The following PSG11 variants were observed in gnomAD, a reference collection of about 807,000 sequenced individuals.
PSG11 encodes pregnancy-specific beta-1-glycoprotein 11.
Under a neutral mutation model 36.0 loss-of-function variants are expected in PSG11, and 42 were observed. The ratio of observed to expected loss-of-function variants is 1.17; its 90% CI spans 0.91 to 1.51. The LOEUF is 1.51. Among genes scored for constraint, PSG11 ranks in the 40% most tolerant of loss-of-function variants. The pLI is 0.00. For missense variants in PSG11, 558 were observed against 403.5 expected (o/e 1.38, Z -3.28); for synonymous variants, 206 against 153.5 (o/e 1.34, Z -2.53).
intron 3 of PSG11, chr19:43,017,384 C>A (rs1425786478): frequency 2.0e-5 from 3 of 151,276 alleles, no homozygotes; most frequent in Non-Finnish European, 4.4e-5. Flanking sequence ...AGTGATAAGC[C>A]AAATATATTC....
intron 4 of PSG11, among the ~76,000 whole-genome samples, chr19:43,011,915 A>AAG (rs1249745169): frequency 6.6e-6 from 1 of 150,516 alleles, no homozygotes; most frequent in East Asian, 1.9e-4. Context: ...AAAAAAAAAA[A>AAG]AGAAAGAAAA....
chr19:43,024,747 A>T lies in PSG11; in HGVS notation c.374T>A (p.Ile125Lys). The change falls in exon 2 of 6, where the codon ATA becomes AAA. Residue 125 changes from isoleucine to lysine, a missense_variant. Transcript: ENST00000320078. Reference sequence around the variant, plus strand: ...TCCTCTAGTCCCATCACCTCGCTTTATGATGTGTAAGGTGTAGGATCCTGC... The same window carrying T: ...TCCTCTAGTCCCATCACCTCGCTTTTTGATGTGTAAGGTGTAGGATCCTGC... Reference protein sequence around the residue: ...EDAGSYTLHIIKRGDGTRGVT... With the variant: ...EDAGSYTLHIKKRGDGTRGVT... 6.2e-7 allele frequency: 1 copy of T among 1,611,728 alleles called. No homozygotes were observed. Among genetic ancestry groups the T allele is most frequent in the Non-Finnish European group, 8.5e-7 (1 of 1,178,944 alleles).
chr19:43,019,222 G>T (rs1464057276), intron 2 of PSG11, among the ~76,000 whole-genome samples, 174 bp from the exon 3 acceptor site: 1 of 151,450 alleles, frequency 6.6e-6, no homozygotes, highest in Non-Finnish European at 1.5e-5. Flanking sequence ...CTAAGAGATT[G>T]TGAGGCTGCC....
At chr19:43,009,558 G>A (rs758138181) in intron 5 of PSG11, among the ~76,000 whole-genome samples, 4 of 151,376 alleles carry the variant, frequency 2.6e-5, no homozygotes, top group Non-Finnish European at 4.4e-5. Context: ...TTTTAGAAAG[G>A]TAATGAGGCA....
chr19:43,024,596 G>T (rs1331083058), intron 2 of PSG11, 95 bp downstream of exon 2: 17 of 1,594,578 alleles, frequency 1.1e-5, no homozygotes, highest in Admixed American at 1.0e-4. Context: ...ATGCAGAGAG[G>T]GACACAGGCA....
Position 43,007,700 on chromosome 19 carries a change from C to T in PSG11, c.*383G>A, listed in dbSNP as rs1804232. On this transcript the variant is annotated 3_prime_UTR_variant, in exon 6 of 6. Transcript: ENST00000320078. Reference sequence around the variant, plus strand: ...TTATTACCATAAACATATGAATATTCATGAATAGATTCCCAATTCTGGGGC... The same window carrying T: ...TTATTACCATAAACATATGAATATTTATGAATAGATTCCCAATTCTGGGGC... 1 of 179,464 alleles carries T rather than the reference C, an allele frequency of 5.6e-6. No individual in the cohort carries two copies. The highest frequency in any genetic ancestry group is 2.4e-5 in the African/African-American group (1 of 42,000). The allele number at this position is 179,464 out of a possible 1,614,324, so 11.1% of individuals were successfully genotyped here. A position where few individuals can be genotyped will look rare whatever the true frequency, so the allele number is the denominator to read the frequency against.
intron 2 of PSG11, among the ~76,000 whole-genome samples, chr19:43,020,359 G>A (rs1967073615): frequency 6.6e-6 from 1 of 151,388 alleles, no homozygotes; most frequent in African/African-American, 2.4e-5. Flanking sequence ...CATCACATCA[G>A]TGGTCAGAAG....
chr19:43,014,415 T>G, intron 4 of PSG11: 1 of 949,832 alleles, frequency 1.1e-6, no homozygotes. Context: ...GCCCACAGCC[T>G]CATACAGCCA....
rs534447743 is a variant in PSG11 at position 43,017,275 on chromosome 19, A to G, written c.709+1495T>C. On this transcript the variant is annotated intron_variant, in intron 3 of 5. Coordinates refer to ENST00000320078, the MANE Select transcript of PSG11 (RefSeq NM_002785.3). ...TTTTTGATTCTGAAATATTTGTCATATACTTACTGGTTTAGCATCCCAAAT... is the reference window on the plus strand; with the variant it reads ...TTTTTGATTCTGAAATATTTGTCATGTACTTACTGGTTTAGCATCCCAAAT... 1.9e-4 allele frequency: 29 copies of G among 151,720 alleles called. 1 individual carries two copies. The highest frequency in any genetic ancestry group is 1.8e-3 in the Admixed American group (28 of 15,206). 9.4% of individuals were successfully genotyped at this position (151,720 alleles called of 1,614,324 possible).
At chr19:43,023,548 G>A (rs542747765) in intron 2 of PSG11, among the ~76,000 whole-genome samples, 2 of 151,214 alleles carry the variant, frequency 1.3e-5, no homozygotes, top group Non-Finnish European at 2.9e-5. Context: ...TAGTTCTGGA[G>A]TATAGACTAA....
chr19:43,015,366 A>G lies in PSG11; in HGVS notation c.714T>C (p.Gly238=), dbSNP rs1447393094. 7.5e-6 allele frequency: 12 copies of G among 1,609,152 alleles called. 1 individual carries two copies. The highest frequency in any genetic ancestry group is 1.0e-5 in the Non-Finnish European group (12 of 1,177,342). The change falls in exon 4 of 6, where the codon GGT becomes GGC. Residue 238 remains glycine (G), a synonymous_variant. Transcript: ENST00000320078. ...SDPVTLNLLH[G]PDLPRIFPSV... ...AAGGGAAAATTCTGGGGAGGTCTGG[A>G]CCATCTGGAGGAAAGAGAATAAAGC...
chr19:43,012,291 C>T (rs544537321), intron 4 of PSG11, among the ~76,000 whole-genome samples: 3 of 151,078 alleles, frequency 2.0e-5, no homozygotes, highest in African/African-American at 7.3e-5. Flanking sequence ...ATTGAAAGGT[C>T]TAGTCAAAAA....
Position 43,024,852 on chromosome 19 carries a change from A to G in PSG11, c.269T>C (p.Ile90Thr), listed in dbSNP as rs747475165. The G allele has an allele frequency of 1.1e-5, 17 of 1,611,726 alleles. No homozygotes were observed. The highest frequency in any genetic ancestry group is 1.0e-4 in the Admixed American group (6 of 59,780). The change falls in exon 2 of 6, where the codon ATA becomes ACA. Residue 90 changes from isoleucine to threonine, a missense_variant. Coordinates refer to ENST00000320078, the MANE Select transcript of PSG11 (RefSeq NM_002785.3). ...TSYVVDGQII[I>T]YGPAYSGRET... ...TCGTCCACTGTATGCCGGTCCATAT[A>G]TAATTATTTGACCGTCTACTACATA...
At position 43,007,919 on chromosome 19, in the gene PSG11, G is replaced by A. The variant is rs937806180; in HGVS notation, c.*164C>T. 1.8e-5 allele frequency: 7 copies of A among 392,212 alleles called. No individual in the cohort carries two copies. The highest frequency in any genetic ancestry group is 6.3e-5 in the African/African-American group (3 of 47,676). The allele number at this position is 392,212 out of a possible 1,614,324, so 24.3% of individuals were successfully genotyped here. A position where few individuals can be genotyped will look rare whatever the true frequency, so the allele number is the denominator to read the frequency against. The stretch of plus-strand genomic sequence containing the variant: ...ATGGAGTTCTTTTCTTCTTTGTCTT[G>A]AATTTCATGAAGGTATCAGCCTGTT... On this transcript the variant is annotated 3_prime_UTR_variant, in exon 6 of 6. Transcript: ENST00000320078.
chr19:43,014,955 A>G, intron 4 of PSG11, 161 bp downstream of exon 4: 2 of 1,521,112 alleles, frequency 1.3e-6, no homozygotes, highest in Non-Finnish European at 1.8e-6. Flanking sequence ...AGGAGAAGAG[A>G]GTCTGTAGAG....
intron 3 of PSG11, among the ~76,000 whole-genome samples, chr19:43,016,532 G>T (rs1221936371): frequency 1.3e-5 from 2 of 151,410 alleles, no homozygotes; most frequent in African/African-American, 2.4e-5. Flanking sequence ...AAGATACTGA[G>T]CAGCCTGGCC....
rs2122827863 is a variant in PSG11 at position 43,022,926 on chromosome 19, G to C, written c.430+1765C>G. ...AGAGGGAGTGTCTGGGGAAGGCCTA[G>C]GGGTGGGGGAAGAAGCTGTGCAGGA... On this transcript the variant is annotated intron_variant, in intron 2 of 5. Transcript: ENST00000320078. 1.3e-5 allele frequency among the ~76,000 whole-genome samples: 2 copies of C among 150,788 alleles called. 1 individual carries two copies. The highest frequency in any genetic ancestry group is 6.8e-3 in the Middle Eastern group (2 of 292).
chr19:43,018,191 T>G (rs1345577600), intron 3 of PSG11, among the ~76,000 whole-genome samples: 2 of 151,144 alleles, frequency 1.3e-5, no homozygotes, highest in Non-Finnish European at 2.9e-5. Flanking sequence ...CATAGACCCC[T>G]CTATATGTTT....
At chr19:43,023,761 C>G (rs1967163773) in intron 2 of PSG11, among the ~76,000 whole-genome samples, 1 of 151,132 alleles carries the variant, frequency 6.6e-6, no homozygotes, top group South Asian at 2.1e-4. Flanking sequence ...AGTGACTGTG[C>G]CTTCCTGTGC....
Sources: gnomAD v4.1 joint callset for allele counts (sites outside exome capture counted in the v4.1 genomes callset) on GRCh38, gnomAD v4.1.1 for gene constraint, MANE v1.5 for transcripts, NCBI Gene and HGNC (gene_info 2026-07-23, HGNC 2026-07-21) for gene names.